The following PPARGC1A variants were observed in gnomAD, a reference collection of about 807,000 sequenced individuals.
PPARGC1A encodes PPARG coactivator 1 alpha.
In PPARGC1A, 25 loss-of-function variants were observed where a neutral mutation model predicts 88.7. The ratio of observed to expected loss-of-function variants is 0.28; its 90% CI spans 0.21 to 0.39. The LOEUF is 0.39. Ranked by LOEUF, PPARGC1A falls within the 10% of genes least tolerant of loss-of-function variation. The pLI is 1.00. For synonymous variants in PPARGC1A, 363 were observed against 355.6 expected (o/e 1.02, Z -0.24); for missense variants, 880 against 968.7 (o/e 0.91, Z 1.22).
chr4:24,332,846 TCA>T, the PPARGC1A span, among the ~76,000 whole-genome samples: 3 of 152,246 alleles, frequency 2.0e-5, no homozygotes, highest in South Asian at 2.1e-4. Flanking sequence ...TCGCTGAGTC[TCA>T]GTTTCCTCAA....
At chr4:24,363,489 A>G in the PPARGC1A span, among the ~76,000 whole-genome samples, 1 of 152,210 alleles carries the variant, frequency 6.6e-6, no homozygotes, top group African/African-American at 2.4e-5. Flanking sequence ...CGGCTATTAT[A>G]TTAAAGTGTT....
At chr4:24,355,414 G>A in the PPARGC1A span, among the ~76,000 whole-genome samples, 739 of 152,298 alleles carry the variant, frequency 4.9e-3, 5 homozygotes, top group African/African-American at 0.017. Flanking sequence ...TTGTCAAGAA[G>A]AGGAGCTGCT....
the PPARGC1A span, among the ~76,000 whole-genome samples, chr4:24,440,420 A>G: frequency 4.9e-4 from 75 of 152,328 alleles, no homozygotes; most frequent in East Asian, 8.7e-3. Flanking sequence ...AGTTCACGCA[A>G]AGTACAGAAC....
the PPARGC1A span, among the ~76,000 whole-genome samples, chr4:23,931,347 A>T: frequency 2.6e-5 from 4 of 152,282 alleles, no homozygotes; most frequent in South Asian, 8.3e-4. Flanking sequence ...GGAGGAAAAA[A>T]AAAGGAAGGA....
chr4:24,127,563 G>C, the PPARGC1A span, among the ~76,000 whole-genome samples: 1 of 151,606 alleles, frequency 6.6e-6, no homozygotes. Context: ...GCGCGCGTGT[G>C]GATATATATA....
the PPARGC1A span, among the ~76,000 whole-genome samples, chr4:24,023,676 C>T: frequency 6.6e-6 from 1 of 152,222 alleles, no homozygotes; most frequent in Non-Finnish European, 1.5e-5. Flanking sequence ...AAAGCATCCC[C>T]TTACCTTTAA....
chr4:24,048,392 A>G, the PPARGC1A span, among the ~76,000 whole-genome samples: 1 of 152,166 alleles, frequency 6.6e-6, no homozygotes, highest in Non-Finnish European at 1.5e-5. Context: ...TTTTGTCAAT[A>G]CTTTACTTCT....
the PPARGC1A span, among the ~76,000 whole-genome samples, chr4:23,910,371 T>TTA: frequency 4.1e-5 from 4 of 97,520 alleles, no homozygotes; most frequent in African/African-American, 1.8e-4. Context: ...ATATATTATA[T>TTA]TATATTATAT....
At chr4:24,393,690 T>A in the PPARGC1A span, among the ~76,000 whole-genome samples, 1 of 152,222 alleles carries the variant, frequency 6.6e-6, no homozygotes, top group African/African-American at 2.4e-5. Flanking sequence ...TGCTGCCCCA[T>A]TTCTGTCGTC....
At chr4:23,885,214 C>T (rs1316383096) in intron 1 of PPARGC1A, among the ~76,000 whole-genome samples, 1 of 152,190 alleles carries the variant, frequency 6.6e-6, no homozygotes, top group Non-Finnish European at 1.5e-5. Flanking sequence ...TAGAAATCAA[C>T]TAGATATTTT....
chr4:23,928,763 A>AC, the PPARGC1A span, among the ~76,000 whole-genome samples: 1 of 7,144 alleles, frequency 1.4e-4, no homozygotes, highest in African/African-American at 3.2e-4. Flanking sequence ...CAAAAAAACA[A>AC]AAAAAACAAA....
chr4:24,460,759 G>A, the PPARGC1A span, among the ~76,000 whole-genome samples: 1 of 152,042 alleles, frequency 6.6e-6, no homozygotes, highest in Admixed American at 6.6e-5. Context: ...CTGCTTCCTG[G>A]GCCTCACAGT....
chr4:24,156,342 C>T, the PPARGC1A span, among the ~76,000 whole-genome samples: 5 of 152,028 alleles, frequency 3.3e-5, no homozygotes, highest in African/African-American at 1.2e-4. Context: ...GAAGCAGACA[C>T]TCCCCCACCC....
At chr4:23,798,119 C>T (rs1717972204) in intron 12 of PPARGC1A, among the ~76,000 whole-genome samples, 1 of 152,042 alleles carries the variant, frequency 6.6e-6, no homozygotes, top group Admixed American at 6.6e-5. Context: ...AAATCTTATA[C>T]AACGGCCCCA....
the PPARGC1A span, among the ~76,000 whole-genome samples, chr4:24,339,192 A>G: frequency 0.017 from 1,554 of 91,240 alleles, 39 homozygotes; most frequent in African/African-American, 0.024. Flanking sequence ...AGGTTCATCC[A>G]TGTGTGTGTG....
At chr4:24,142,436 G>C in the PPARGC1A span, among the ~76,000 whole-genome samples, 1 of 152,044 alleles carries the variant, frequency 6.6e-6, no homozygotes, top group Admixed American at 6.5e-5. Context: ...ACTTTGGAAG[G>C]CTGAGGCAGG....
the PPARGC1A span, among the ~76,000 whole-genome samples, chr4:24,014,718 G>C: frequency 8.5e-5 from 13 of 152,104 alleles, no homozygotes; most frequent in Non-Finnish European, 1.8e-4. Flanking sequence ...GCCATGAGGA[G>C]AGTATCTGTC....
the PPARGC1A span, among the ~76,000 whole-genome samples, chr4:24,230,555 C>T: frequency 1.3e-5 from 2 of 152,166 alleles, no homozygotes; most frequent in Non-Finnish European, 2.9e-5. Flanking sequence ...CTGGGAACCA[C>T]CCCATATAGC....
At chr4:24,250,147 A>G in the PPARGC1A span, among the ~76,000 whole-genome samples, 1 of 152,136 alleles carries the variant, frequency 6.6e-6, no homozygotes, top group African/African-American at 2.4e-5. Context: ...CATGGGCAGA[A>G]CACTGCAGAT....
Sources: allele counts gnomAD v4.1 joint callset (sites outside exome capture counted in the v4.1 genomes callset), GRCh38; gene constraint gnomAD v4.1.1; transcripts MANE v1.5; gene names NCBI Gene and HGNC (gene_info 2026-07-23, HGNC 2026-07-21).